The following ERLIN1 variants were observed in gnomAD, a reference collection of about 807,000 sequenced individuals.
The protein encoded by ERLIN1 is ER lipid raft associated 1, also known as erlin-1.
ERLIN1 carries 24 observed loss-of-function variants against 46.9 expected under a neutral mutation model. The ratio of observed to expected loss-of-function variants is 0.51; its 90% CI spans 0.37 to 0.72. The LOEUF (loss-of-function observed/expected upper bound fraction) is 0.72. Ranked by LOEUF, ERLIN1 falls within the 30% of genes least tolerant of loss-of-function variation. ERLIN1 has a pLI of 0.00. For synonymous variants in ERLIN1, 158 were observed against 143.2 expected, an observed-to-expected ratio of 1.10 and a Z score of -0.74; for missense variants, 293 against 417.9, an observed-to-expected ratio of 0.70 and a Z score of 2.61.
chr10:100,166,996 C>T (rs1476590000), intron 7 of ERLIN1, among the ~76,000 whole-genome samples: 1 of 152,158 alleles, frequency 6.6e-6, no homozygotes, highest in African/African-American at 2.4e-5. Flanking sequence ...AAAATATGAG[C>T]ACTCTCTTCA....
intron 6 of ERLIN1, among the ~76,000 whole-genome samples, chr10:100,173,750 C>G (rs1327984499): frequency 6.6e-6 from 1 of 152,168 alleles, no homozygotes; most frequent in Non-Finnish European, 1.5e-5. Context: ...CAGCCCTCTC[C>G]TAGACACACT....
Position 100,152,198 on chromosome 10 carries a change from A to T in ERLIN1, c.980T>A (p.Leu327His). 6.2e-7 allele frequency: 1 copy of T among 1,613,522 alleles called. No homozygotes were observed. The highest frequency in any genetic ancestry group is 8.5e-7 in the Non-Finnish European group (1 of 1,179,472). The change falls in exon 11 of 11, where the codon CTC becomes CAC. Residue 327 changes from leucine to histidine, a missense_variant. Coordinates refer to ENST00000421367, the MANE Select transcript of ERLIN1 (RefSeq NM_006459.4). ...SDIRTGRESS[L>H]PSKEALEPSG... Reference sequence around the variant, plus strand: ...GGGTTCAAGAGCCTCCTTAGAGGGGAGTGAGCTTTCTCTTCCAGTCCTAAT... The same window carrying T: ...GGGTTCAAGAGCCTCCTTAGAGGGGTGTGAGCTTTCTCTTCCAGTCCTAAT...
In ERLIN1 at chr10:100,185,495, G is replaced by T; in HGVS notation, c.113+19C>A. The T allele has an allele frequency of 6.4e-7, 1 of 1,570,644 alleles. No individual in the cohort carries two copies. Among genetic ancestry groups the T allele is most frequent in the South Asian group, 1.1e-5 (1 of 90,248 alleles). ...TTTAATCTGCTCTAGAGCCCTAACT[G>T]ACTGCACATGCCGCTCACCTGTAGT... On this transcript the variant is annotated intron_variant, in intron 1 of 10. Transcript: ENST00000421367.
intron 2 of ERLIN1, among the ~76,000 whole-genome samples, chr10:100,179,874 A>ACACAGCTT (rs1844538546): frequency 6.6e-6 from 1 of 152,216 alleles, no homozygotes. Context: ...GTTGTAAACA[A>ACACAGCTT]CACAGCTTGC....
At chr10:100,159,900 T>G (rs1334311340) in intron 8 of ERLIN1, among the ~76,000 whole-genome samples, 3 of 148,608 alleles carry the variant, frequency 2.0e-5, no homozygotes, top group African/African-American at 7.4e-5. Flanking sequence ...AAATATTTTT[T>G]AAAAAGTGTA....
chr10:100,158,499 G>A (rs1046044922), intron 8 of ERLIN1, among the ~76,000 whole-genome samples: 2 of 151,624 alleles, frequency 1.3e-5, no homozygotes, highest in Admixed American at 1.3e-4. Flanking sequence ...AGACCAAGGA[G>A]GACCGAAGAT....
rs758638346 is a variant in ERLIN1, at chr10:100,175,924, C to T, written c.430+21G>A. 1.9e-6 allele frequency: 3 copies of T among 1,607,938 alleles called. No individual in the cohort carries two copies. The East Asian group carries it at 6.7e-5, about 36-fold the overall frequency. On this transcript the variant is annotated intron_variant, in intron 5 of 10. Coordinates refer to ENST00000421367, the MANE Select transcript of ERLIN1 (RefSeq NM_006459.4). ...AGATTTCCAATTGGCTATTTACATA[C>T]ATAAGAATTAAGACACTTACCAAAC... is the stretch of plus-strand genomic sequence containing the variant.
chr10:100,168,828 C>A, intron 6 of ERLIN1, among the ~76,000 whole-genome samples: 1 of 151,888 alleles, frequency 6.6e-6, no homozygotes, highest in East Asian at 1.9e-4. Flanking sequence ...TACAGGCATG[C>A]GCCACCAAGC....
At position 100,156,140 on chromosome 10, in the gene ERLIN1, T is replaced by C. The variant is rs1173306064; in HGVS notation, c.745+5A>G. 2 of 1,601,002 alleles carry C rather than the reference T, an allele frequency of 1.2e-6. No individual in the cohort carries two copies. Among genetic ancestry groups the C allele is most frequent in the East Asian group, 2.2e-5 (1 of 44,818 alleles). On this transcript the variant is annotated splice_donor_5th_base_variant and intron_variant, in intron 9 of 10. Coordinates refer to ENST00000421367, the MANE Select transcript of ERLIN1 (RefSeq NM_006459.4). Reference sequence around the variant, plus strand: ...GCAGAGCTTCATCCTCTCCCCACAATGTACCTTCGATTTCAGAAATGCGCT... The same window carrying C: ...GCAGAGCTTCATCCTCTCCCCACAACGTACCTTCGATTTCAGAAATGCGCT...
intron 6 of ERLIN1, among the ~76,000 whole-genome samples, chr10:100,173,321 C>T (rs1589543149): frequency 6.6e-6 from 1 of 152,214 alleles, no homozygotes; most frequent in East Asian, 1.9e-4. Flanking sequence ...CATCTGGATC[C>T]AGAGCAGTGG....
intron 7 of ERLIN1, among the ~76,000 whole-genome samples, chr10:100,165,695 C>G (rs1298700601): frequency 6.6e-6 from 1 of 152,092 alleles, no homozygotes; most frequent in Non-Finnish European, 1.5e-5. Flanking sequence ...CCTAAGCAAT[C>G]ATATTTAAAG....
At chr10:100,164,191 G>C (rs1198929379) in intron 7 of ERLIN1, 96 bp from the exon 8 acceptor site, 15 of 733,650 alleles carry the variant, frequency 2.0e-5, no homozygotes, top group Non-Finnish European at 1.1e-5. Context: ...GAACCGTTTT[G>C]TCAACATGAG....
At chr10:100,159,911 AATAAT>A (rs970094051) in intron 8 of ERLIN1, among the ~76,000 whole-genome samples, 1 of 151,902 alleles carries the variant, frequency 6.6e-6, no homozygotes, top group African/African-American at 2.4e-5. Flanking sequence ...AAAAAGTGTA[AATAAT>A]ATAATTTAAA....
intron 8 of ERLIN1, among the ~76,000 whole-genome samples, chr10:100,158,373 T>C (rs933597291): frequency 6.6e-6 from 1 of 152,136 alleles, no homozygotes; most frequent in African/African-American, 2.4e-5. Flanking sequence ...TACTTGTAAA[T>C]AGGTGCAAGC....
In ERLIN1 at chr10:100,180,685, T is replaced by C. The variant is rs542669084; in HGVS notation, c.196-1438A>G. On this transcript the variant is annotated intron_variant, in intron 2 of 10. Coordinates refer to ENST00000421367, the MANE Select transcript of ERLIN1 (RefSeq NM_006459.4). Reference sequence around the variant, plus strand: ...AAGATGAAATTCTGACAAGAGACCATGGTAATACTAGACAGAGGGCCCTGA... The same window carrying C: ...AAGATGAAATTCTGACAAGAGACCACGGTAATACTAGACAGAGGGCCCTGA... Among the ~76,000 whole-genome samples, 47 of 152,316 alleles carry C rather than the reference T, an allele frequency of 3.1e-4. No individual in the cohort carries two copies. The South Asian group carries it at 8.9e-3, about 29-fold the overall frequency.
intron 4 of ERLIN1, among the ~76,000 whole-genome samples, chr10:100,177,872 A>G (rs1309745285): frequency 6.6e-6 from 1 of 152,222 alleles, no homozygotes; most frequent in Admixed American, 6.5e-5. Context: ...ATAAAATACT[A>G]CTTTCCTATT....
chr10:100,154,869 G>A lies in ERLIN1; in HGVS notation c.816C>T (p.Thr272=), dbSNP rs1034657539. The A allele has an allele frequency of 3.7e-6, 6 of 1,613,600 alleles. No individual in the cohort carries two copies. The African/African-American group carries it at 5.3e-5, about 14-fold the overall frequency. Residue 272 remains threonine, a synonymous_variant, in exon 10 of 11, where the codon ACC becomes ACT. Transcript: ENST00000421367. Reference sequence around the variant, plus strand: ...CCAGGGAGCCAGTCACCTTGTTTGAGGTGGCATATTTGTGTGCAGCATAAT... The same window carrying A: ...CCAGGGAGCCAGTCACCTTGTTTGAAGTGGCATATTTGTGTGCAGCATAAT... ...AEYYAAHKYA[T]SNKHKLTPEY... is the part of the protein sequence containing the mutation.
At chr10:100,152,391 T>G (rs1472847027) in intron 10 of ERLIN1, 39 bp from the exon 11 acceptor site, 1 of 1,146,120 alleles carries the variant, frequency 8.7e-7, no homozygotes, top group South Asian at 1.2e-5. Context: ...ATCAGAATAC[T>G]CTGGTGCAAC....
In ERLIN1 at chr10:100,151,046, C is replaced by T. The variant is rs1409829516; in HGVS notation, c.*1085G>A. 3 of 152,592 alleles carry T rather than the reference C, an allele frequency of 2.0e-5. No individual in the cohort carries two copies. The highest frequency in any genetic ancestry group is 7.2e-5 in the African/African-American group (3 of 41,450). 9.5% of individuals were successfully genotyped at this position (152,592 alleles called of 1,614,324 possible). The stretch of plus-strand genomic sequence containing the variant: ...TTTCTAGGTGACTTTTTGTTCCACA[C>T]TATGTGGGCTCCAGATAAACAATCT... On this transcript the variant is annotated 3_prime_UTR_variant, in exon 11 of 11. Coordinates refer to ENST00000421367, the MANE Select transcript of ERLIN1 (RefSeq NM_006459.4).
Sources: allele counts gnomAD v4.1 joint callset (sites outside exome capture counted in the v4.1 genomes callset), GRCh38; gene constraint gnomAD v4.1.1; transcripts MANE v1.5; gene names NCBI Gene and HGNC (gene_info 2026-07-23, HGNC 2026-07-21).